The following PPP1CB variants were observed in gnomAD, a reference collection of about 807,000 sequenced individuals.
The protein encoded by PPP1CB is protein phosphatase 1 catalytic subunit beta.
In PPP1CB, 2 loss-of-function variants were observed where a neutral mutation model predicts 43.7. That is an observed-to-expected ratio of 0.05 (90% confidence interval 0.02 to 0.14). PPP1CB has a LOEUF of 0.14. Ranked by LOEUF, PPP1CB falls within the 10% of genes least tolerant of loss-of-function variation. The pLI, the probability that PPP1CB is intolerant of heterozygous loss-of-function variation, is 1.00. For missense variants in PPP1CB, 84 were observed against 398.0 expected, an observed-to-expected ratio of 0.21 and a Z score of 6.71; for synonymous variants, 136 against 135.6, an observed-to-expected ratio of 1.00 and a Z score of -0.02.
At chr2:28,766,552 T>G (rs1306791724) in intron 1 of PPP1CB, among the ~76,000 whole-genome samples, 1 of 152,232 alleles carries the variant, frequency 6.6e-6, no homozygotes, top group Non-Finnish European at 1.5e-5. Context: ...TCAGCTGCTT[T>G]GAGAATATTC....
chr2:28,764,890 C>T (rs1018085267), intron 1 of PPP1CB, among the ~76,000 whole-genome samples: 3 of 150,794 alleles, frequency 2.0e-5, no homozygotes, highest in African/African-American at 7.3e-5. Flanking sequence ...CATTATACTC[C>T]AGCCTGGGTG....
chr2:28,794,781 T>C (rs1047814768), intron 7 of PPP1CB, among the ~76,000 whole-genome samples: 1 of 152,184 alleles, frequency 6.6e-6, no homozygotes, highest in Non-Finnish European at 1.5e-5. Flanking sequence ...TATTTATTTT[T>C]TTCTTTTGAG....
intron 5 of PPP1CB, among the ~76,000 whole-genome samples, chr2:28,787,533 CTTCT>C (rs1667296479): frequency 2.0e-5 from 3 of 152,296 alleles, no homozygotes; most frequent in Admixed American, 2.0e-4. Context: ...AACATCCACC[CTTCT>C]TTTAATATCA....
At chr2:28,761,452 C>T (rs1394150759) in intron 1 of PPP1CB, among the ~76,000 whole-genome samples, 1 of 152,150 alleles carries the variant, frequency 6.6e-6, no homozygotes, top group African/African-American at 2.4e-5. Flanking sequence ...GTTTCTTCTG[C>T]ATATATGATA....
intron 1 of PPP1CB, among the ~76,000 whole-genome samples, chr2:28,774,990 C>G (rs145430611): frequency 3.6e-4 from 54 of 151,590 alleles, no homozygotes; most frequent in African/African-American, 1.2e-3. Context: ...CTCCTTTTTA[C>G]TTTTATATTA....
Position 28,788,722 on chromosome 2 carries a change from T to C in PPP1CB, c.657T>C (p.Asp219=). ...ATGTGCAAGGCTGGGGAGAAAATGATCGTGGTGTTTCCTTTACTTTTGGAG... is the reference window on the plus strand; with the variant it reads ...ATGTGCAAGGCTGGGGAGAAAATGACCGTGGTGTTTCCTTTACTTTTGGAG... ...DKDVQGWGEN[D]RGVSFTFGAD... The change falls in exon 6 of 8, where the codon GAT becomes GAC. Residue 219 remains aspartate, a synonymous_variant. Coordinates refer to ENST00000395366, the MANE Select transcript of PPP1CB (RefSeq NM_002709.3). 6.2e-7 allele frequency: 1 copy of C among 1,613,922 alleles called. No individual in the cohort carries two copies. The highest frequency in any genetic ancestry group is 8.5e-7 in the Non-Finnish European group (1 of 1,179,804).
In PPP1CB at chr2:28,791,785, A is replaced by G. The variant is rs562117896; in HGVS notation, c.745-2078A>G. Among the ~76,000 whole-genome samples, 79 of 152,318 alleles carry G rather than the reference A, an allele frequency of 5.2e-4. 1 individual carries two copies. Among genetic ancestry groups the G allele is most frequent in the Admixed American group, 3.1e-3 (48 of 15,302 alleles). ...AGATCTTCATTCACTGGTCTTTTCA[A>G]AAATAAATGATGATTTTTAAAAATC... On this transcript the variant is annotated intron_variant, in intron 6 of 7. Transcript: ENST00000395366.
At chr2:28,773,222 A>T (rs562299454) in intron 1 of PPP1CB, among the ~76,000 whole-genome samples, 1 of 152,346 alleles carries the variant, frequency 6.6e-6, no homozygotes, top group South Asian at 2.1e-4. Flanking sequence ...AACAGTAGTA[A>T]GTATGGTAGA....
At chr2:28,796,424 A>G (rs1040816755) in intron 7 of PPP1CB, among the ~76,000 whole-genome samples, 1 of 152,218 alleles carries the variant, frequency 6.6e-6, no homozygotes, top group African/African-American at 2.4e-5. Context: ...ATCCATGAGC[A>G]TGGAATGTTT....
chr2:28,770,348 A>C (rs1157571113), intron 1 of PPP1CB, among the ~76,000 whole-genome samples: 1 of 133,164 alleles, frequency 7.5e-6, no homozygotes, highest in African/African-American at 2.8e-5. Context: ...GATGTATTTT[A>C]AATCTAAGGA....
chr2:28,756,934 A>T (rs947997423), intron 1 of PPP1CB, among the ~76,000 whole-genome samples: 1 of 152,220 alleles, frequency 6.6e-6, no homozygotes, highest in Non-Finnish European at 1.5e-5. Context: ...TTTAGAGGAT[A>T]TGATTTTTAG....
intron 7 of PPP1CB, among the ~76,000 whole-genome samples, chr2:28,796,744 T>C (rs1022778892): frequency 1.3e-5 from 2 of 152,250 alleles, no homozygotes; most frequent in African/African-American, 4.8e-5. Flanking sequence ...CTTCCTCTCT[T>C]CTTATTTGGA....
At position 28,752,154 on chromosome 2, in the gene PPP1CB, C is replaced by T. The variant is rs1404169743; in HGVS notation, c.30C>T (p.Ser10=). 7.1e-6 allele frequency: 11 copies of T among 1,548,346 alleles called. No individual in the cohort carries two copies. The highest frequency in any genetic ancestry group is 2.4e-5 in the South Asian group (2 of 84,032). MADGELNVD[S]LITRLLEVRG... The stretch of plus-strand genomic sequence containing the variant: ...CGGACGGGGAGCTGAACGTGGACAG[C>T]CTCATCACCCGGCTGCTGGAGGGTG... The change falls in exon 1 of 8, where the codon AGC becomes AGT. Residue 10 remains serine (S), a synonymous_variant. Coordinates refer to ENST00000395366, the MANE Select transcript of PPP1CB (RefSeq NM_002709.3).
Position 28,801,866 on chromosome 2 carries a change from T to TC in PPP1CB, c.*2565dup, listed in dbSNP as rs1291845126. ...TCTTGAAAGAATCAACTACAGTGAATCCTTTGCATTTGAAGCCTTAACATG... is the reference window on the plus strand; with the variant it reads ...TCTTGAAAGAATCAACTACAGTGAATCCCTTTGCATTTGAAGCCTTAACATG... On this transcript the variant is annotated 3_prime_UTR_variant, in exon 8 of 8. Transcript: ENST00000395366. 1 of 152,222 alleles carries TC rather than the reference T, an allele frequency of 6.6e-6. No individual in the cohort carries two copies. The highest frequency in any genetic ancestry group is 6.5e-5 in the Admixed American group (1 of 15,284). 9.4% of individuals were successfully genotyped at this position (152,222 alleles called of 1,614,324 possible). A position where few individuals can be genotyped will look rare whatever the true frequency, so the allele number is the denominator to read the frequency against.
intron 6 of PPP1CB, among the ~76,000 whole-genome samples, chr2:28,791,345 T>G (rs531480164): frequency 1.3e-5 from 2 of 152,182 alleles, no homozygotes; most frequent in African/African-American, 2.4e-5. Context: ...TTTGTTTTTT[T>G]TGTGAGACAG....
rs531987627 is a variant in PPP1CB at position 28,781,408 on chromosome 2, A to C, written c.416-330A>C. On this transcript the variant is annotated intron_variant, in intron 3 of 7. Transcript: ENST00000395366. ...AAAGATACAATATAGTGTTAACTGT[A>C]GTCACTGTTATACAATCGATCTTCT... 2.6e-5 allele frequency among the ~76,000 whole-genome samples: 4 copies of C among 152,302 alleles called. No individual in the cohort carries two copies. The East Asian group carries it at 7.7e-4, about 29-fold the overall frequency.
rs28364813 is a variant in PPP1CB, at chr2:28,798,971, A to G, written c.880-228A>G. On this transcript the variant is annotated intron_variant, in intron 7 of 7. Coordinates refer to ENST00000395366, the MANE Select transcript of PPP1CB (RefSeq NM_002709.3). ...TTCAAAAAGTTTTTTACTTAAATCT[A>G]AGGATTGGATAGTTGATAGAGTTAG... Among the ~76,000 whole-genome samples the G allele has an allele frequency of 2.2e-3, 336 of 152,170 alleles. 5 individuals are homozygous for G. Among genetic ancestry groups the G allele is most frequent in the Admixed American group, 0.016 (241 of 15,286 alleles).
At chr2:28,770,222 C>T (rs1334564926) in intron 1 of PPP1CB, among the ~76,000 whole-genome samples, 4 of 152,050 alleles carry the variant, frequency 2.6e-5, no homozygotes, top group Non-Finnish European at 5.9e-5. Flanking sequence ...GAGATCATGC[C>T]GCTGCACTCC....
intron 3 of PPP1CB, among the ~76,000 whole-genome samples, chr2:28,780,771 T>A (rs1667142948): frequency 6.6e-6 from 1 of 152,162 alleles, no homozygotes; most frequent in South Asian, 2.1e-4. Flanking sequence ...ATTACCAAAT[T>A]CAGGAAAATC....
Sources: allele counts gnomAD v4.1 joint callset (sites outside exome capture counted in the v4.1 genomes callset), GRCh38; gene constraint gnomAD v4.1.1; transcripts MANE v1.5; gene names NCBI Gene and HGNC (gene_info 2026-07-23, HGNC 2026-07-21).